PNPLA6: variants seen among roughly 807,000 people sequenced by gnomAD.
PNPLA6 encodes the protein patatin like domain 6, lysophospholipase, also known as patatin-like phospholipase domain-containing protein 6.
In PNPLA6, 105 loss-of-function variants were observed where a neutral mutation model predicts 153.7. The ratio of observed to expected loss-of-function variants is 0.68; its 90% confidence interval spans 0.58 to 0.80. The LOEUF is 0.80. Ranked by LOEUF, PNPLA6 falls within the 30% of genes least tolerant of loss-of-function variation. The probability of loss-of-function intolerance (pLI) is 0.00; values close to 1 mark genes in which losing one functional copy is unlikely to be tolerated. For synonymous variants in PNPLA6, 825 were observed against 822.2 expected, an observed-to-expected ratio of 1.00 and a Z score of -0.06; for missense variants, 1,423 against 1,919.3, an observed-to-expected ratio of 0.74 and a Z score of 4.83.
At chr19:7,560,454 G>A (rs1457798600) in intron 28 of PNPLA6, 194 bp from the exon 29 acceptor site, 11 of 648,116 alleles carry the variant, frequency 1.7e-5, no homozygotes, top group Non-Finnish European at 2.8e-6. Context: ...GAGATTGATT[G>A]GTAATGTCTG....
At chr19:7,544,335 CTCCTG>C (rs1346693155) in intron 13 of PNPLA6, among the ~76,000 whole-genome samples, 1 of 150,962 alleles carries the variant, frequency 6.6e-6, no homozygotes, top group Admixed American at 6.6e-5. Flanking sequence ...TTGTCTCAAA[CTCCTG>C]ACCTCAGGTG....
chr19:7,540,620 T>A lies in PNPLA6; in HGVS notation c.715-10T>A. 1 of 1,610,446 alleles carries A rather than the reference T, an allele frequency of 6.2e-7. No homozygotes were observed. Among genetic ancestry groups the A allele is most frequent in the South Asian group, 1.1e-5 (1 of 91,002 alleles). ...AGGCCACTGAGGGTCCACGGTCTCC[T>A]GTGTCTCAGGACGGGAAGGAGTGTG... On this transcript the variant is annotated splice_polypyrimidine_tract_variant and intron_variant, in intron 5 of 31. Transcript: ENST00000600737. This position sits in a 1 kb window ranked among gnomAD's most constrained non-coding sequence, Gnocchi z 6.8.
chr19:7,550,197 A>T, intron 14 of PNPLA6, 85 bp downstream of exon 14: 2 of 1,608,574 alleles, frequency 1.2e-6, no homozygotes. Context: ...CCTCAACCTC[A>T]CTCCTGGAAG....
In PNPLA6 at chr19:7,541,524, G is replaced by C. The variant is rs2023139510; in HGVS notation, c.1008G>C (p.Glu336Asp). Residue 336 changes from glutamate to aspartate, a missense_variant and splice_region_variant, in exon 9 of 32, where the codon GAG becomes GAC. Physicochemically the swap from Glu to Asp is conservative, Grantham distance 45. This residue lies in a region of PNPLA6 where 267 missense variants were observed against 255.1 expected (regional missense o/e 1.05). Coordinates refer to ENST00000600737, the MANE Select transcript of PNPLA6 (RefSeq NM_001166114.2). The surrounding 1 kb of genome is among the most constrained non-coding windows in gnomAD (Gnocchi z 5.2). ...CACAAGCTGTTCTCTGCCCCCAGGA[G>C]ATCCAGCCCCTGCGTCTGTTCCCCA... ...LGLTNELFSH[E>D]IQPLRLFPSP... The C allele has an allele frequency of 3.1e-6, 5 of 1,609,346 alleles. No homozygotes were observed. Among genetic ancestry groups the C allele is most frequent in the Middle Eastern group, 1.6e-4 (1 of 6,074 alleles).
chr19:7,549,281 G>T (rs779186416), intron 13 of PNPLA6, among the ~76,000 whole-genome samples: 1 of 147,858 alleles, frequency 6.8e-6, no homozygotes, highest in African/African-American at 2.5e-5. Flanking sequence ...CCGCCTCCCG[G>T]TTTCACGCCA....
chr19:7,541,668 G>A lies in PNPLA6; in HGVS notation c.1152G>A (p.Pro384=), dbSNP rs538277794. The A allele has an allele frequency of 5.7e-5, 89 of 1,572,898 alleles. No individual in the cohort carries two copies. The highest frequency in any genetic ancestry group is 1.7e-4 in the Middle Eastern group (1 of 6,010). Residue 384 remains proline, a synonymous_variant, in exon 9 of 32, where the codon CCG becomes CCA. Coordinates refer to ENST00000600737, the MANE Select transcript of PNPLA6 (RefSeq NM_001166114.2). This position sits in a 1 kb window ranked among gnomAD's most constrained non-coding sequence, Gnocchi z 5.2. ...PGRPPDPTGA[P]LPGPTGDPVK... ...GGCCACCCGATCCCACCGGGGCCCC[G>A]CTGCCTGGACCTACAGGTACCCAGG...
rs778792847 is a variant in PNPLA6 at position 7,560,649 on chromosome 19, A to T, written c.3701A>T (p.Asp1234Val). 1.9e-6 allele frequency: 3 copies of T among 1,603,182 alleles called. No individual in the cohort carries two copies. The highest frequency in any genetic ancestry group is 1.7e-6 in the Non-Finnish European group (2 of 1,170,074). The change falls in exon 29 of 32, where the codon GAT (aspartate) becomes GTT (valine). Residue 1234 changes from aspartate to valine, a missense_variant and splice_region_variant. By Grantham distance (152) the Asp-to-Val change is radical. This residue lies in a region of PNPLA6 where 643 missense variants were observed against 835.2 expected (regional missense o/e 0.77). Transcript: ENST00000600737. ...GACCCAGCCCCTCATTTCCCACAGG[A>T]TGTGGGCTACCAGTACGGGAAGGCG... ...MDFGKFDQIY[D>V]VGYQYGKAVF... is the part of the protein sequence containing the mutation.
At chr19:7,561,369 A>G in intron 31 of PNPLA6, 52 bp downstream of exon 31, 1 of 1,462,048 alleles carries the variant, frequency 6.8e-7, no homozygotes, top group Non-Finnish European at 9.5e-7. Flanking sequence ...GGTCATGAGT[A>G]CAGTGTCAGG....
rs1157636398 is a variant in PNPLA6 at position 7,558,941 on chromosome 19, C to G, written c.3489C>G (p.Ser1163Arg). 2 of 1,614,116 alleles carry G rather than the reference C, an allele frequency of 1.2e-6. No individual in the cohort carries two copies. Among genetic ancestry groups the G allele is most frequent in the Non-Finnish European group, 1.7e-6 (2 of 1,179,982 alleles). The change falls in exon 28 of 32, where the codon AGC becomes AGG. Residue 1163 changes from serine to arginine, a missense_variant. By Grantham distance (110) the Ser-to-Arg change is moderately radical (BLOSUM62 -1). Coordinates refer to ENST00000600737, the MANE Select transcript of PNPLA6 (RefSeq NM_001166114.2). Reference sequence around the variant, plus strand: ...CGGACCTCAGCACCTACGGGGACAGCCTGTCCGGCTGGTGGCTGCTGTGGA... The same window carrying G: ...CGGACCTCAGCACCTACGGGGACAGGCTGTCCGGCTGGTGGCTGCTGTGGA... ...DETDLSTYGD[S>R]LSGWWLLWKR...
At chr19:7,549,772 C>T in intron 13 of PNPLA6, 135 bp from the exon 14 acceptor site, 3 of 857,482 alleles carry the variant, frequency 3.5e-6, no homozygotes, top group Admixed American at 2.0e-5. Context: ...CAGCCGTGAG[C>T]CACCGCGCCC....
chr19:7,540,701 T>C lies in PNPLA6; in HGVS notation c.786T>C (p.Asp262=), dbSNP rs758952199. The C allele has an allele frequency of 1.1e-5, 17 of 1,613,038 alleles. No individual in the cohort carries two copies. The African/African-American group carries it at 2.0e-4, about 19-fold the overall frequency. The change falls in exon 6 of 32, where the codon GAT becomes GAC. Residue 262 remains aspartate (D), a synonymous_variant. Transcript: ENST00000600737. The surrounding 1 kb of genome is among the most constrained non-coding windows in gnomAD (Gnocchi z 6.8). ...TCAACAGCCTTCTCAGCATCCTGGA[T>C]GTCATCACCGTGAGTGACCAGTTTC... is the stretch of plus-strand genomic sequence containing the variant. The part of the protein sequence containing the change: ...DSVNSLLSIL[D]VITGHQHPQR...
intron 2 of PNPLA6, 85 bp from the exon 3 acceptor site, chr19:7,536,364 C>A: frequency 7.1e-7 from 1 of 1,406,330 alleles, no homozygotes; most frequent in Non-Finnish European, 1.0e-6. Flanking sequence ...ACCGCTCCTT[C>A]CTTGATGGAG....
chr19:7,548,801 C>CTTTTT (rs1159787936), intron 13 of PNPLA6, among the ~76,000 whole-genome samples: 3 of 67,232 alleles, frequency 4.5e-5, no homozygotes, highest in Non-Finnish European at 1.0e-4. Flanking sequence ...AAAAATTTTT[C>CTTTTT]TTTTTTTTTT....
In PNPLA6 at chr19:7,555,107, G is replaced by T. The variant is rs1186635075; in HGVS notation, c.2817+32G>T. On this transcript the variant is annotated intron_variant, in intron 22 of 31. Transcript: ENST00000600737. The surrounding 1 kb of genome is among the most constrained non-coding windows in gnomAD (Gnocchi z 6.3). ...AGCGGGCCGGCCCCCACCTTCTAGG[G>T]GCGTGGCTGGTGGGCGAGGCTTGGG... The T allele has an allele frequency of 6.3e-7, 1 of 1,584,930 alleles. No homozygotes were observed. Among genetic ancestry groups the T allele is most frequent in the Non-Finnish European group, 8.5e-7 (1 of 1,173,408 alleles).
At chr19:7,560,887 C>A (rs2024069831) in intron 29 of PNPLA6, 123 bp downstream of exon 29, 1 of 847,036 alleles carries the variant, frequency 1.2e-6, no homozygotes, top group African/African-American at 1.7e-5. Flanking sequence ...AGCTCTCAGA[C>A]CTCTGCTGAC....
In PNPLA6 at chr19:7,541,278, GA is replaced by G; in HGVS notation, c.925-74del. 1 of 1,356,840 alleles carries G rather than the reference GA, an allele frequency of 7.4e-7. No individual in the cohort carries two copies. Among genetic ancestry groups the G allele is most frequent in the Non-Finnish European group, 1.0e-6 (1 of 962,688 alleles). 84.1% of individuals were successfully genotyped at this position (1,356,840 alleles called of 1,614,324 possible). On this transcript the variant is annotated intron_variant, in intron 7 of 31. Coordinates refer to ENST00000600737, the MANE Select transcript of PNPLA6 (RefSeq NM_001166114.2). The surrounding 1 kb of genome is among the most constrained non-coding windows in gnomAD (Gnocchi z 5.2). Reference sequence around the variant, plus strand: ...GTTCCCGCCCGACCCCTTATGCTGCGAACTAGCCCGGCCCACCATCTGGCCC... The same window carrying G: ...GTTCCCGCCCGACCCCTTATGCTGCGACTAGCCCGGCCCACCATCTGGCCC...
Position 7,540,491 on chromosome 19 carries a change from G to A in PNPLA6, c.715-139G>A. On this transcript the variant is annotated intron_variant, in intron 5 of 31. Coordinates refer to ENST00000600737, the MANE Select transcript of PNPLA6 (RefSeq NM_001166114.2). This position sits in a 1 kb window ranked among gnomAD's most constrained non-coding sequence, Gnocchi z 6.8. ...TAGTTACAAGTATTGAACGATGGGA[G>A]ATGCCTGCTCGTTGGAAGGGTTGGT... 2.1e-6 allele frequency: 2 copies of A among 966,012 alleles called. No individual in the cohort carries two copies. The highest frequency in any genetic ancestry group is 3.3e-6 in the Non-Finnish European group (2 of 611,780). The allele number at this position is 966,012 out of a possible 1,614,324, so 59.8% of individuals were successfully genotyped here. A position where few individuals can be genotyped will look rare whatever the true frequency, so the allele number is the denominator to read the frequency against.
chr19:7,544,945 G>A (rs1436929628), intron 13 of PNPLA6, among the ~76,000 whole-genome samples: 2 of 152,078 alleles, frequency 1.3e-5, no homozygotes, highest in South Asian at 2.1e-4. Flanking sequence ...AGTGTACCAC[G>A]CTGGTCTGCA....
rs762315099 is a variant in PNPLA6 at position 7,555,018 on chromosome 19, G to T, written c.2760G>T (p.Gly920=). The T allele has an allele frequency of 2.6e-5, 41 of 1,593,414 alleles. No homozygotes were observed. The South Asian group carries it at 4.2e-4, about 16-fold the overall frequency. The change falls in exon 22 of 32, where the codon GGG becomes GGT. Residue 920 remains glycine, a synonymous_variant. Coordinates refer to ENST00000600737, the MANE Select transcript of PNPLA6 (RefSeq NM_001166114.2). The surrounding 1 kb of genome is among the most constrained non-coding windows in gnomAD (Gnocchi z 6.3). ...TAAATATGCGCAGCTGGTGCTCGGG[G>T]CACCTGCACCTGCGCTGTCCGCGCC... The part of the protein sequence containing the change: ...EWLNMRSWCS[G]HLHLRCPRRL...
Sources: gnomAD v4.1 joint callset for allele counts (sites outside exome capture counted in the v4.1 genomes callset) on GRCh38, gnomAD v4.1.1 for gene constraint, gnomAD v4.1.1 regional missense constraint, Gnocchi (gnomAD v3.1) non-coding constraint, MANE v1.5 for transcripts, NCBI Gene and HGNC (gene_info 2026-07-23, HGNC 2026-07-21) for gene names.